Variants in RAB6B observed in about 807,000 individuals in gnomAD.
The protein encoded by RAB6B is RAB6B, member RAS oncogene family.
A neutral mutation model predicts 31.2 loss-of-function variants in RAB6B; 7 were observed. The ratio of observed to expected loss-of-function variants is 0.22; its 90% CI spans 0.13 to 0.42. The LOEUF (loss-of-function observed/expected upper bound fraction) is 0.42, where lower values mean the gene tolerates loss of function less well. RAB6B is among the 10% of genes least tolerant of loss of function. The pLI is 1.00. For missense variants in RAB6B, 149 were observed against 280.6 expected (o/e 0.53, Z 3.35); for synonymous variants, 105 against 104.9 (o/e 1.00, Z -0.01).
At chr3:133,855,162 A>T (rs898578943) in intron 2 of RAB6B, among the ~76,000 whole-genome samples, 10 of 152,264 alleles carry the variant, frequency 6.6e-5, no homozygotes, top group African/African-American at 2.2e-4. Flanking sequence ...AAAGTCATGT[A>T]AATTAGCTTG....
At chr3:133,878,961 C>T (rs1031508579) in intron 1 of RAB6B, among the ~76,000 whole-genome samples, 74 of 152,304 alleles carry the variant, frequency 4.9e-4, no homozygotes, top group African/African-American at 1.8e-3. Context: ...CACACATTCA[C>T]ACTTACATCA....
chr3:133,846,790 A>G (rs1017521854), intron 2 of RAB6B, among the ~76,000 whole-genome samples: 1 of 152,248 alleles, frequency 6.6e-6, no homozygotes, highest in Non-Finnish European at 1.5e-5. Flanking sequence ...CAACGTCTCT[A>G]AACTGCTTAA....
chr3:133,854,141 T>G (rs1936040609), intron 2 of RAB6B, among the ~76,000 whole-genome samples: 1 of 152,214 alleles, frequency 6.6e-6, no homozygotes, highest in South Asian at 2.1e-4. Flanking sequence ...TTTCCCCAGC[T>G]TCTTTGCCCT....
chr3:133,841,355 C>G lies in RAB6B; in HGVS notation c.219G>C (p.Glu73Asp). Residue 73 changes from glutamate (E) to aspartate (D), a missense_variant, in exon 4 of 8, where the codon GAG (glutamate) becomes GAC (aspartate). Physicochemically the swap from Glu to Asp is conservative, Grantham distance 45. Transcript: ENST00000285208. ...AGCTGGGGATCAGGCTGCGGAACCTCTCCTGACCAGCTGTGTCCCAGAGCT... is the reference window on the plus strand; with the variant it reads ...AGCTGGGGATCAGGCTGCGGAACCTGTCCTGACCAGCTGTGTCCCAGAGCT... ...RLQLWDTAGQ[E>D]RFRSLIPSYI... The G allele has an allele frequency of 6.2e-7, 1 of 1,614,182 alleles. No individual in the cohort carries two copies. Among genetic ancestry groups the G allele is most frequent in the Non-Finnish European group, 8.5e-7 (1 of 1,180,020 alleles).
chr3:133,838,265 G>A lies in RAB6B; in HGVS notation c.402-6C>T. 1.2e-6 allele frequency: 2 copies of A among 1,612,788 alleles called. No homozygotes were observed. Among genetic ancestry groups the A allele is most frequent in the Admixed American group, 1.7e-5 (1 of 60,028 alleles). ...CCTCCTCGATGGTTATCTGCCTAGA[G>A]ATGAGGGGAAGGGGGGAAATCAGCT... On this transcript the variant is annotated splice_region_variant and splice_polypyrimidine_tract_variant and intron_variant, in intron 5 of 7. Coordinates refer to ENST00000285208, the MANE Select transcript of RAB6B (RefSeq NM_016577.4).
At chr3:133,850,622 C>T (rs1935970555) in intron 2 of RAB6B, among the ~76,000 whole-genome samples, 1 of 151,618 alleles carries the variant, frequency 6.6e-6, no homozygotes, top group Admixed American at 6.6e-5. Flanking sequence ...CAAAAGGAAG[C>T]ATAAAGAGAA....
chr3:133,847,686 G>A (rs982138678), intron 2 of RAB6B, among the ~76,000 whole-genome samples: 11 of 152,212 alleles, frequency 7.2e-5, no homozygotes, highest in Admixed American at 6.5e-4. Context: ...AACTAGGTCA[G>A]TCTGGTTTCT....
chr3:133,829,409 C>G lies in RAB6B; in HGVS notation c.563-557G>C, dbSNP rs910979053. Reference sequence around the variant, plus strand: ...CCCTCGCCAGCCCTTTCCACTGGTGCCCCCGGGGGCTGTGGGCTAAAGAAG... The same window carrying G: ...CCCTCGCCAGCCCTTTCCACTGGTGGCCCCGGGGGCTGTGGGCTAAAGAAG... On this transcript the variant is annotated intron_variant, in intron 7 of 7. Coordinates refer to ENST00000285208, the MANE Select transcript of RAB6B (RefSeq NM_016577.4). Among the ~76,000 whole-genome samples, 13 of 152,304 alleles carry G rather than the reference C, an allele frequency of 8.5e-5. No individual in the cohort carries two copies. The Middle Eastern group carries it at 0.014, about 159-fold the overall frequency.
chr3:133,832,421 C>A (rs1048680236), intron 7 of RAB6B, among the ~76,000 whole-genome samples: 6 of 152,140 alleles, frequency 3.9e-5, no homozygotes, highest in Admixed American at 3.9e-4. Context: ...ACGGAAACCT[C>A]ATGCCACACA....
At chr3:133,838,135 G>A (rs200593698) in intron 6 of RAB6B, 31 bp downstream of exon 6, 82 of 1,575,268 alleles carry the variant, frequency 5.2e-5, no homozygotes, top group East Asian at 4.5e-4. Context: ...GCCGGGCCCC[G>A]TGCCGGGCCC....
intron 1 of RAB6B, among the ~76,000 whole-genome samples, chr3:133,878,645 C>G (rs181494033): frequency 1.6e-4 from 25 of 152,262 alleles, no homozygotes; most frequent in Non-Finnish European, 3.5e-4. Context: ...TAAGATCTTT[C>G]TATTATTTGA....
At chr3:133,836,029 C>T (rs79533570) in intron 6 of RAB6B, among the ~76,000 whole-genome samples, 1,895 of 152,318 alleles carry the variant, frequency 0.012, 45 homozygotes, top group African/African-American at 0.043. Flanking sequence ...ACTGGGTGGG[C>T]TCTGGGCTCA....
intron 2 of RAB6B, among the ~76,000 whole-genome samples, chr3:133,848,773 A>G (rs1483955015): frequency 6.6e-6 from 1 of 151,660 alleles, no homozygotes; most frequent in Non-Finnish European, 1.5e-5. Flanking sequence ...TTTTTAAAGC[A>G]GCTGCACCTT....
In RAB6B at chr3:133,895,511, A is replaced by C; in HGVS notation, c.-45T>G. 6.3e-7 allele frequency: 1 copy of C among 1,595,684 alleles called. No individual in the cohort carries two copies. The highest frequency in any genetic ancestry group is 8.6e-7 in the Non-Finnish European group (1 of 1,165,624). ...GGGAGAGGAGGAGGAGGAAAAAGCG[A>C]AGGAGCAGGGAGGGGAGAGTAGGAG... On this transcript the variant is annotated 5_prime_UTR_variant, in exon 1 of 8. Coordinates refer to ENST00000285208, the MANE Select transcript of RAB6B (RefSeq NM_016577.4).
chr3:133,849,998 C>G (rs1181547665), intron 2 of RAB6B, among the ~76,000 whole-genome samples: 1 of 152,130 alleles, frequency 6.6e-6, no homozygotes, highest in African/African-American at 2.4e-5. Flanking sequence ...TGCAAAGTTA[C>G]TACAGCAGCC....
rs540396560 is a variant in RAB6B at position 133,826,929 on chromosome 3, ATCTC to A, written c.*1855_*1858del. On this transcript the variant is annotated 3_prime_UTR_variant, in exon 8 of 8. Coordinates refer to ENST00000285208, the MANE Select transcript of RAB6B (RefSeq NM_016577.4). ...TTGTGGAAGGTGTATACACAAGTCT[ATCTC>A]TATATATAATTATGTACACACATAT... 57 of 152,796 alleles carry A rather than the reference ATCTC, an allele frequency of 3.7e-4. No homozygotes were observed. Among genetic ancestry groups the A allele is most frequent in the African/African-American group, 9.6e-4 (40 of 41,588 alleles). The allele number at this position is 152,796 out of a possible 1,614,324, so 9.5% of individuals were successfully genotyped here.
At chr3:133,845,442 G>T (rs1330474691) in intron 2 of RAB6B, among the ~76,000 whole-genome samples, 1 of 152,228 alleles carries the variant, frequency 6.6e-6, no homozygotes, top group East Asian at 1.9e-4. Context: ...GAAGCAGAGA[G>T]CAAGTCCTCA....
rs539457212 is a variant in RAB6B, at chr3:133,891,432, T to C, written c.70+3965A>G. 1.1e-3 allele frequency among the ~76,000 whole-genome samples: 168 copies of C among 152,308 alleles called. 1 individual carries two copies. Among genetic ancestry groups the C allele is most frequent in the African/African-American group, 3.7e-3 (155 of 41,560 alleles). On this transcript the variant is annotated intron_variant, in intron 1 of 7. Coordinates refer to ENST00000285208, the MANE Select transcript of RAB6B (RefSeq NM_016577.4). ...TGAAGTAGCAGTAGCCTACTGCCTA[T>C]AGAAGCATCCCTTGCTAGCCTACGG...
At chr3:133,868,585 C>T (rs372227237) in intron 1 of RAB6B, among the ~76,000 whole-genome samples, 5 of 152,238 alleles carry the variant, frequency 3.3e-5, no homozygotes, top group African/African-American at 1.2e-4. Flanking sequence ...GCTCCACTGG[C>T]AGGTTTTATT....
Sources: allele counts gnomAD v4.1 joint callset (sites outside exome capture counted in the v4.1 genomes callset), GRCh38; gene constraint gnomAD v4.1.1; transcripts MANE v1.5; gene names NCBI Gene and HGNC (gene_info 2026-07-23, HGNC 2026-07-21).